KCNU1: variants seen among roughly 807,000 people sequenced by gnomAD.
The protein encoded by KCNU1 is potassium calcium-activated channel subfamily U member 1.
A neutral mutation model predicts 126.8 loss-of-function variants in KCNU1; 93 were observed. That is an observed-to-expected ratio of 0.73 (90% confidence interval 0.62 to 0.87). The LOEUF (loss-of-function observed/expected upper bound fraction) is 0.87, where lower values mean the gene tolerates loss of function less well. KCNU1 is among the 40% of genes least tolerant of loss of function. KCNU1 has a pLI of 0.00. For synonymous variants in KCNU1, 523 were observed against 494.2 expected (o/e 1.06, Z -0.77); for missense variants, 1,330 against 1,367.1 (o/e 0.97, Z 0.43).
intron 7 of KCNU1, among the ~76,000 whole-genome samples, chr8:36,811,876 G>A (rs1197428649): frequency 1.3e-5 from 2 of 151,780 alleles, no homozygotes; most frequent in African/African-American, 4.8e-5. Flanking sequence ...AGACCAGCCT[G>A]GCTAATGAAA....
chr8:36,878,830 A>G (rs1806363752), intron 19 of KCNU1, among the ~76,000 whole-genome samples: 1 of 148,162 alleles, frequency 6.7e-6, no homozygotes. Flanking sequence ...AATGCTGAAA[A>G]GTATTTACAT....
rs1245609066 is a variant in KCNU1 at position 36,899,007 on chromosome 8, G to A, written c.2010-6701G>A. ...GAAATATAAAGGGATTTAAATGAGG[G>A]TTCATCTGCAGAATGGGTGAGAAAG... On this transcript the variant is annotated intron_variant, in intron 19 of 26. Transcript: ENST00000399881. Among the ~76,000 whole-genome samples the A allele has an allele frequency of 2.0e-5, 3 of 151,990 alleles. No homozygotes were observed. In the South Asian group the frequency reaches 6.2e-4, roughly 32 times the overall value.
At chr8:36,808,267 A>G (rs2130430547) in intron 6 of KCNU1, among the ~76,000 whole-genome samples, 1 of 152,086 alleles carries the variant, frequency 6.6e-6, no homozygotes, top group Middle Eastern at 3.4e-3. Context: ...GTGACTTTAT[A>G]TTTTTGTGTT....
chr8:36,823,433 C>T (rs528839049), intron 10 of KCNU1, among the ~76,000 whole-genome samples: 70 of 152,184 alleles, frequency 4.6e-4, no homozygotes, highest in African/African-American at 1.7e-3. Flanking sequence ...TTGTTCAACA[C>T]TCTGCATCAC....
At chr8:36,925,501 C>CATTGGAAAT (rs1293052369) in intron 24 of KCNU1, among the ~76,000 whole-genome samples, 1 of 152,152 alleles carries the variant, frequency 6.6e-6, no homozygotes, top group Non-Finnish European at 1.5e-5. Context: ...TGAACTGGGC[C>CATTGGAAAT]ATTGGAAATA....
At chr8:36,812,986 T>A (rs533337612) in intron 7 of KCNU1, among the ~76,000 whole-genome samples, 1 of 152,334 alleles carries the variant, frequency 6.6e-6, no homozygotes, top group African/African-American at 2.4e-5. Flanking sequence ...TAAAAGACAC[T>A]ATGGGATTTT....
chr8:36,906,234 T>G (rs1202170577), intron 20 of KCNU1, among the ~76,000 whole-genome samples: 1 of 150,786 alleles, frequency 6.6e-6, no homozygotes, highest in Non-Finnish European at 1.5e-5. Context: ...GGTTTTGAAA[T>G]TCGGATTTTT....
chr8:36,786,681 A>C (rs1439585261), intron 1 of KCNU1, among the ~76,000 whole-genome samples: 2 of 152,172 alleles, frequency 1.3e-5, no homozygotes, highest in Non-Finnish European at 2.9e-5. Context: ...AAAGTCATTT[A>C]ATTTCTCTAT....
intron 18 of KCNU1, among the ~76,000 whole-genome samples, chr8:36,852,187 T>C (rs1805374423): frequency 1.3e-5 from 2 of 152,294 alleles, no homozygotes; most frequent in South Asian, 4.1e-4. Flanking sequence ...GATATCCAAA[T>C]GTTAAACTCA....
intron 24 of KCNU1, among the ~76,000 whole-genome samples, chr8:36,927,710 G>A (rs1808575283): frequency 6.6e-6 from 1 of 152,080 alleles, no homozygotes; most frequent in Non-Finnish European, 1.5e-5. Flanking sequence ...AATACTCTAG[G>A]TTATGACAGG....
At chr8:36,850,656 C>A (rs1452308921) in intron 18 of KCNU1, among the ~76,000 whole-genome samples, 1 of 152,086 alleles carries the variant, frequency 6.6e-6, no homozygotes, top group Non-Finnish European at 1.5e-5. Context: ...AGGGTTTTAT[C>A]ATATTTCTCA....
chr8:36,824,083 C>G (rs568801104), intron 10 of KCNU1, among the ~76,000 whole-genome samples: 2 of 152,074 alleles, frequency 1.3e-5, no homozygotes, highest in Non-Finnish European at 2.9e-5. Flanking sequence ...GTGATCCACC[C>G]GCCTCTACCT....
intron 18 of KCNU1, among the ~76,000 whole-genome samples, chr8:36,864,138 G>A (rs1805819655): frequency 6.6e-6 from 1 of 152,078 alleles, no homozygotes; most frequent in African/African-American, 2.4e-5. Flanking sequence ...AATGGGAGGG[G>A]TGATGGATTA....
At position 36,815,710 on chromosome 8, in the gene KCNU1, T is replaced by C; in HGVS notation, c.995+23T>C. 2.3e-6 allele frequency: 3 copies of C among 1,330,868 alleles called. No homozygotes were observed. The South Asian group carries it at 3.8e-5, about 17-fold the overall frequency. The allele number at this position is 1,330,868 out of a possible 1,614,324, so 82.4% of individuals were successfully genotyped here. ...GAAGTAAGTAGTGTTTTAAGTATAA[T>C]TTCTACAGTTTAAGAAATTCTATTA... is the stretch of plus-strand genomic sequence containing the variant. On this transcript the variant is annotated intron_variant, in intron 9 of 26. Transcript: ENST00000399881.
chr8:36,834,802 CA>C lies in KCNU1; in HGVS notation c.1230del (p.Cys411AlafsTer2). 6 of 1,610,686 alleles carry C rather than the reference CA, an allele frequency of 3.7e-6. No individual in the cohort carries two copies. Among genetic ancestry groups the C allele is most frequent in the Non-Finnish European group, 5.1e-6 (6 of 1,177,594 alleles). On this transcript the variant is annotated frameshift_variant, in exon 12 of 27. Transcript: ENST00000399881. LOFTEE classifies it high-confidence loss of function. ...GAAGGGTAGGTGGAATCTGCAGAGG[CA>C]TGCCTGATTATAGCCAATCCTTTGT... is the stretch of plus-strand genomic sequence containing the variant. ...LRRVAVESAE[A>X]CLIIANPLCS...
chr8:36,930,713 G>A (rs781633553), intron 24 of KCNU1, among the ~76,000 whole-genome samples: 4 of 152,138 alleles, frequency 2.6e-5, no homozygotes, highest in Non-Finnish European at 5.9e-5. Flanking sequence ...CATCCGAAGT[G>A]TAATCTCCAA....
In KCNU1 at chr8:36,797,245, A is replaced by T. The variant is rs550619892; in HGVS notation, c.316-6782A>T. On this transcript the variant is annotated intron_variant, in intron 2 of 26. Coordinates refer to ENST00000399881, the MANE Select transcript of KCNU1 (RefSeq NM_001031836.3). The stretch of plus-strand genomic sequence containing the variant: ...GTTGCAAGGAGAATTCTATCATAAT[A>T]CATGTAAACCACTCAAGGCAGAGTA... 2.6e-5 allele frequency among the ~76,000 whole-genome samples: 4 copies of T among 152,330 alleles called. No individual in the cohort carries two copies. In the South Asian group the frequency reaches 8.3e-4, roughly 32 times the overall value.
intron 2 of KCNU1, among the ~76,000 whole-genome samples, chr8:36,803,204 TA>T (rs1803374151): frequency 6.6e-6 from 1 of 152,166 alleles, no homozygotes; most frequent in East Asian, 1.9e-4. Context: ...CCTTTCACAA[TA>T]TACGTAGCCC....
At chr8:36,929,349 A>T (rs1183329207) in intron 24 of KCNU1, among the ~76,000 whole-genome samples, 2 of 147,506 alleles carry the variant, frequency 1.4e-5, no homozygotes, top group Non-Finnish European at 3.0e-5. Context: ...GTGCCACTGC[A>T]CTCTAGCCTA....
Sources: allele counts gnomAD v4.1 joint callset (sites outside exome capture counted in the v4.1 genomes callset), GRCh38; gene constraint gnomAD v4.1.1; transcripts MANE v1.5; gene names NCBI Gene and HGNC (gene_info 2026-07-23, HGNC 2026-07-21).